KLRF1: variants seen among roughly 807,000 people sequenced by gnomAD.
KLRF1 encodes the protein killer cell lectin-like receptor subfamily F member 1.
A neutral mutation model predicts 30.7 loss-of-function variants in KLRF1; 27 were observed. The observed-to-expected ratio is 0.88, with a 90% confidence interval of 0.65 to 1.21. KLRF1 has a LOEUF of 1.21. Ranked by LOEUF, KLRF1 falls within the 50% of genes most tolerant of loss-of-function variation. The pLI is 0.00. For missense variants in KLRF1, 246 were observed against 259.3 expected, an observed-to-expected ratio of 0.95 and a Z score of 0.35; for synonymous variants, 92 against 89.3, an observed-to-expected ratio of 1.03 and a Z score of -0.17.
the KLRF1 span, among the ~76,000 whole-genome samples, chr12:9,810,723 A>G: frequency 6.6e-6 from 1 of 152,234 alleles, no homozygotes. Flanking sequence ...ATTTCGATCT[A>G]TCATCTACTT....
upstream of KLRF1, among the ~76,000 whole-genome samples, chr12:9,825,930 A>G (rs1372049211): frequency 6.6e-6 from 1 of 152,204 alleles, no homozygotes; most frequent in Non-Finnish European, 1.5e-5. Context: ...GGAGTGTCAA[A>G]TAATGGCCAA....
intron 5 of KLRF1, among the ~76,000 whole-genome samples, chr12:9,842,744 C>G (rs982319066): frequency 2.6e-5 from 4 of 151,854 alleles, no homozygotes; most frequent in African/African-American, 9.7e-5. Context: ...AAAATAAAAC[C>G]AATGTGCATT....
At chr12:9,816,019 G>C in the KLRF1 span, among the ~76,000 whole-genome samples, 1 of 152,128 alleles carries the variant, frequency 6.6e-6, no homozygotes, top group African/African-American at 2.4e-5. Flanking sequence ...GGTTTCTCCA[G>C]GTTGGTCAGG....
the KLRF1 span, among the ~76,000 whole-genome samples, chr12:9,819,686 C>T: frequency 2.0e-5 from 3 of 152,070 alleles, no homozygotes; most frequent in African/African-American, 7.2e-5. Context: ...GGATAGCCCA[C>T]CATCCTTGCT....
chr12:9,834,717 G>C (rs1867531144), intron 3 of KLRF1, among the ~76,000 whole-genome samples: 1 of 152,158 alleles, frequency 6.6e-6, no homozygotes, highest in South Asian at 2.1e-4. Context: ...TCCAATTAGA[G>C]AGTGTCCAAG....
At chr12:9,827,411 C>G (rs1867304506), upstream of KLRF1, 1 of 469,684 alleles carries the variant, frequency 2.1e-6, no homozygotes, top group African/African-American at 2.0e-5. Flanking sequence ...ACTGTGAACC[C>G]TCATATGTAC....
chr12:9,803,340 C>G, the KLRF1 span, among the ~76,000 whole-genome samples: 2 of 152,022 alleles, frequency 1.3e-5, no homozygotes, highest in Admixed American at 6.6e-5. Flanking sequence ...AAGTGTGAAA[C>G]CCAAAACCAT....
the KLRF1 span, among the ~76,000 whole-genome samples, chr12:9,805,814 A>G: frequency 3.9e-5 from 6 of 151,916 alleles, no homozygotes; most frequent in Non-Finnish European, 8.8e-5. Context: ...GATTGTTTGT[A>G]TTACTCCTTT....
chr12:9,843,702 A>G (rs1482874944), intron 5 of KLRF1, among the ~76,000 whole-genome samples: 3 of 152,124 alleles, frequency 2.0e-5, no homozygotes, highest in Admixed American at 6.6e-5. Context: ...ATTTTTGTCC[A>G]TAATATGTTC....
At chr12:9,805,189 G>C in the KLRF1 span, among the ~76,000 whole-genome samples, 1 of 151,894 alleles carries the variant, frequency 6.6e-6, no homozygotes, top group Non-Finnish European at 1.5e-5. Flanking sequence ...CCTTAGACTG[G>C]GCAATTTATA....
upstream of KLRF1, among the ~76,000 whole-genome samples, chr12:9,827,303 AT>A (rs1190752494): frequency 6.6e-6 from 1 of 152,208 alleles, no homozygotes; most frequent in East Asian, 1.9e-4. Flanking sequence ...TCAATTCAAT[AT>A]GTGGTGGACA....
At chr12:9,834,254 C>T (rs1409775551) in intron 3 of KLRF1, among the ~76,000 whole-genome samples, 1 of 152,050 alleles carries the variant, frequency 6.6e-6, no homozygotes, top group African/African-American at 2.4e-5. Context: ...TTTTGTGATT[C>T]TTCAGTTACT....
the KLRF1 span, among the ~76,000 whole-genome samples, chr12:9,802,382 A>G: frequency 3.9e-5 from 6 of 152,106 alleles, no homozygotes; most frequent in Non-Finnish European, 5.9e-5. Context: ...CCAATATCAT[A>G]CTGAATGGGC....
the KLRF1 span, among the ~76,000 whole-genome samples, chr12:9,820,934 C>T: frequency 6.6e-6 from 1 of 152,246 alleles, no homozygotes; most frequent in Non-Finnish European, 1.5e-5. Flanking sequence ...AGGCAGGGCC[C>T]CTGGCTCATG....
At chr12:9,802,506 G>T in the KLRF1 span, among the ~76,000 whole-genome samples, 3 of 151,976 alleles carry the variant, frequency 2.0e-5, no homozygotes, top group Admixed American at 2.0e-4. Context: ...GCAAGAGAAA[G>T]AAATAAAGGA....
the KLRF1 span, chr12:9,817,684 G>C: frequency 8.1e-6 from 2 of 247,746 alleles, no homozygotes; most frequent in East Asian, 2.7e-4. Context: ...CTCTTCCTCA[G>C]TGGCTCCACT....
At chr12:9,813,307 A>C in the KLRF1 span, among the ~76,000 whole-genome samples, 1 of 152,038 alleles carries the variant, frequency 6.6e-6, no homozygotes, top group Non-Finnish European at 1.5e-5. Flanking sequence ...TAGGATTTTA[A>C]AATTAATTAA....
chr12:9,840,331 T>G (rs1867672928), intron 3 of KLRF1, among the ~76,000 whole-genome samples: 1 of 152,080 alleles, frequency 6.6e-6, no homozygotes, highest in Non-Finnish European at 1.5e-5. Context: ...ATGGCTAAAA[T>G]GGTGAATTTT....
Position 9,832,541 on chromosome 12 carries a change from G to T in KLRF1, c.184+127G>T. 1.5e-5 allele frequency: 9 copies of T among 619,200 alleles called. No individual in the cohort carries two copies. The South Asian group carries it at 1.8e-4, about 13-fold the overall frequency. The allele number at this position is 619,200 out of a possible 1,614,324, so 38.4% of individuals were successfully genotyped here. On this transcript the variant is annotated intron_variant, in intron 2 of 5. Transcript: ENST00000617889. ...AAGATTGAATTAGAAGCTACTGCAT[G>T]TAAAGCTCTATTAGTACACTCCACA...
Sources: gnomAD v4.1 joint callset for allele counts (sites outside exome capture counted in the v4.1 genomes callset) on GRCh38, gnomAD v4.1.1 for gene constraint, MANE v1.5 for transcripts, NCBI Gene and HGNC (gene_info 2026-07-23, HGNC 2026-07-21) for gene names.